VIPR2: variants seen among roughly 807,000 people sequenced by gnomAD.
VIPR2 encodes the protein vasoactive intestinal polypeptide receptor 2.
VIPR2 carries 48 observed loss-of-function variants against 58.0 expected under a neutral mutation model. That is an observed-to-expected ratio of 0.83 (90% CI 0.66 to 1.05). The LOEUF is 1.05. Ranked by LOEUF, VIPR2 falls within the 50% of genes least tolerant of loss-of-function variation. VIPR2 has a pLI of 0.00. For missense variants in VIPR2, 534 were observed against 558.0 expected, an observed-to-expected ratio of 0.96 and a Z score of 0.43; for synonymous variants, 243 against 235.2, an observed-to-expected ratio of 1.03 and a Z score of -0.30.
intron 4 of VIPR2, among the ~76,000 whole-genome samples, chr7:159,060,386 A>C (rs1192053487): frequency 1.3e-5 from 2 of 150,378 alleles, no homozygotes; most frequent in African/African-American, 4.9e-5. Flanking sequence ...TCACCTAACC[A>C]CCATCTCACT....
At chr7:159,142,229 G>A (rs904074579) in intron 2 of VIPR2, among the ~76,000 whole-genome samples, 6 of 152,182 alleles carry the variant, frequency 3.9e-5, no homozygotes, top group African/African-American at 1.4e-4. Context: ...TACTGCTAAG[G>A]ATTAAGGTTA....
intron 5 of VIPR2, among the ~76,000 whole-genome samples, chr7:159,053,499 T>C (rs761110348): frequency 6.6e-6 from 1 of 152,192 alleles, no homozygotes; most frequent in Non-Finnish European, 1.5e-5. Flanking sequence ...AGCTGATCTA[T>C]AGATACAATG....
At chr7:159,062,640 G>A (rs1855764132) in intron 4 of VIPR2, among the ~76,000 whole-genome samples, 1 of 152,120 alleles carries the variant, frequency 6.6e-6, no homozygotes, top group Non-Finnish European at 1.5e-5. Flanking sequence ...CAGCTCATAA[G>A]CGCAGTGCTG....
At chr7:159,045,681 TG>T in intron 5 of VIPR2, among the ~76,000 whole-genome samples, 1 of 152,250 alleles carries the variant, frequency 6.6e-6, no homozygotes, top group Admixed American at 6.5e-5. Context: ...GTACTTGTGG[TG>T]TCAGCCACAA....
Position 159,097,839 on chromosome 7 carries a change from C to T in VIPR2, c.357+5918G>A, listed in dbSNP as rs973411254. Among the ~76,000 whole-genome samples the T allele has an allele frequency of 6.6e-5, 10 of 152,132 alleles. No individual in the cohort carries two copies. Among genetic ancestry groups the T allele is most frequent in the African/African-American group, 2.2e-4 (9 of 41,434 alleles). Reference sequence around the variant, plus strand: ...GCTTTGTGCAAAGTCACTCAGCCATCGGTGAGTGACAGCTGGGTGGGTTCT... The same window carrying T: ...GCTTTGTGCAAAGTCACTCAGCCATTGGTGAGTGACAGCTGGGTGGGTTCT... On this transcript the variant is annotated intron_variant, in intron 4 of 12. Coordinates refer to ENST00000262178, the MANE Select transcript of VIPR2 (RefSeq NM_003382.5). The surrounding 1 kb of genome is among the most constrained non-coding windows in gnomAD (Gnocchi z 5.3).
chr7:159,079,932 C>G (rs933777445), intron 4 of VIPR2, among the ~76,000 whole-genome samples: 2 of 152,230 alleles, frequency 1.3e-5, no homozygotes, highest in Non-Finnish European at 1.5e-5. Context: ...AGTTGAATCT[C>G]TGAATAGGCC....
chr7:159,113,389 C>T (rs1013007115), intron 2 of VIPR2, among the ~76,000 whole-genome samples: 4 of 152,156 alleles, frequency 2.6e-5, no homozygotes, highest in Non-Finnish European at 5.9e-5. Flanking sequence ...AAACCCTTAG[C>T]GTTGTGAGCC....
At chr7:159,058,128 G>A (rs891483269) in intron 5 of VIPR2, among the ~76,000 whole-genome samples, 1 of 152,176 alleles carries the variant, frequency 6.6e-6, no homozygotes, top group Non-Finnish European at 1.5e-5. Context: ...TAAACACGTC[G>A]TAGCATCTCT....
intron 5 of VIPR2, among the ~76,000 whole-genome samples, chr7:159,058,251 TAGCTG>T (rs1855436226): frequency 6.6e-6 from 1 of 152,232 alleles, no homozygotes; most frequent in Non-Finnish European, 1.5e-5. Flanking sequence ...TAATAAATGA[TAGCTG>T]AGCTGAGTTC....
chr7:159,096,830 C>A lies in VIPR2; in HGVS notation c.357+6927G>T. On this transcript the variant is annotated intron_variant, in intron 4 of 12. Transcript: ENST00000262178. The surrounding 1 kb of genome is among the most constrained non-coding windows in gnomAD (Gnocchi z 5.5). Reference sequence around the variant, plus strand: ...GCCACAGGCCCAGCTCTTGTCCCGGCCCACCTCGGGATGCTTCCGCCGTAC... The same window carrying A: ...GCCACAGGCCCAGCTCTTGTCCCGGACCACCTCGGGATGCTTCCGCCGTAC... The A allele has an allele frequency of 1.4e-6, 2 of 1,472,386 alleles. No homozygotes were observed. The highest frequency in any genetic ancestry group is 1.8e-6 in the Non-Finnish European group (2 of 1,101,570). 91.2% of individuals were successfully genotyped at this position (1,472,386 alleles called of 1,614,324 possible).
rs191469016 is a variant in VIPR2, at chr7:159,117,154, C to T, written c.152-7235G>A. 3.7e-3 allele frequency: 2,279 copies of T among 614,776 alleles called. 8 individuals are homozygous for T. The highest frequency in any genetic ancestry group is 5.1e-3 in the Non-Finnish European group (1,739 of 339,656). The allele number at this position is 614,776 out of a possible 1,614,324, so 38.1% of individuals were successfully genotyped here. A position where few individuals can be genotyped will look rare whatever the true frequency, so the allele number is the denominator to read the frequency against. ...GAGGAAACACACTCTGACCACAGGA[C>T]GGAGTGCGGGAGCCAGCCGAGCAGT... On this transcript the variant is annotated intron_variant, in intron 2 of 12. Coordinates refer to ENST00000262178, the MANE Select transcript of VIPR2 (RefSeq NM_003382.5).
chr7:159,095,532 G>GT lies in VIPR2; in HGVS notation c.357+8224dup, dbSNP rs1275344762. Among the ~76,000 whole-genome samples, 2 of 152,140 alleles carry GT rather than the reference G, an allele frequency of 1.3e-5. No homozygotes were observed. The highest frequency in any genetic ancestry group is 1.9e-4 in the East Asian group (1 of 5,190). On this transcript the variant is annotated intron_variant, in intron 4 of 12. Coordinates refer to ENST00000262178, the MANE Select transcript of VIPR2 (RefSeq NM_003382.5). This position sits in a 1 kb window ranked among gnomAD's most constrained non-coding sequence, Gnocchi z 5.2. ...GGCAAAGCACGTATAAATTTAAGTG[G>GT]TTTTTTTAGTACTTAAAATTTGATT...
chr7:159,053,297 A>G (rs1174347609), intron 5 of VIPR2, among the ~76,000 whole-genome samples: 1 of 152,348 alleles, frequency 6.6e-6, no homozygotes, highest in Non-Finnish European at 1.5e-5. Context: ...AGAAACAATT[A>G]GAAATGGAAT....
chr7:159,140,841 T>C (rs773250104), intron 2 of VIPR2, among the ~76,000 whole-genome samples: 50 of 152,200 alleles, frequency 3.3e-4, no homozygotes, highest in Middle Eastern at 6.8e-3. Context: ...TGCCTTTGGG[T>C]GAGGGTGTTC....
chr7:159,062,019 G>A (rs1483438572), intron 4 of VIPR2, among the ~76,000 whole-genome samples: 2 of 152,228 alleles, frequency 1.3e-5, no homozygotes, highest in African/African-American at 4.8e-5. Context: ...CTGGTCTTGC[G>A]GAGCCCCATC....
At chr7:159,052,868 A>G (rs1855089144) in intron 5 of VIPR2, among the ~76,000 whole-genome samples, 1 of 152,242 alleles carries the variant, frequency 6.6e-6, no homozygotes, top group South Asian at 2.1e-4. Flanking sequence ...CTGGGAATTG[A>G]GAGAAACTTA....
chr7:159,044,958 G>A (rs895195239), intron 5 of VIPR2, among the ~76,000 whole-genome samples: 3 of 152,068 alleles, frequency 2.0e-5, no homozygotes, highest in African/African-American at 7.2e-5. Context: ...TAGAGATGGG[G>A]TGGGGTTTCG....
At chr7:159,129,212 T>C (rs1327592204) in intron 2 of VIPR2, among the ~76,000 whole-genome samples, 6 of 71,208 alleles carry the variant, frequency 8.4e-5, no homozygotes, top group Non-Finnish European at 1.5e-4. Flanking sequence ...TGGACTCTGG[T>C]GGGGACAGGG....
rs1318838348 is a variant in VIPR2 at position 159,095,369 on chromosome 7, A to C, written c.357+8388T>G. Among the ~76,000 whole-genome samples, 1 of 152,196 alleles carries C rather than the reference A, an allele frequency of 6.6e-6. No homozygotes were observed. Among genetic ancestry groups the C allele is most frequent in the Non-Finnish European group, 1.5e-5 (1 of 68,036 alleles). On this transcript the variant is annotated intron_variant, in intron 4 of 12. Transcript: ENST00000262178. The surrounding 1 kb of genome is among the most constrained non-coding windows in gnomAD (Gnocchi z 5.2). ...GTGTGAGGGCCGGGCAAATGCTCAC[A>C]GCCGGTGACAGGGCTCACAGTCGGG...
Sources: allele counts gnomAD v4.1 joint callset (sites outside exome capture counted in the v4.1 genomes callset), GRCh38; gene constraint gnomAD v4.1.1; non-coding constraint Gnocchi (gnomAD v3.1); transcripts MANE v1.5; gene names NCBI Gene and HGNC (gene_info 2026-07-23, HGNC 2026-07-21).